Variants in DEPTOR observed in about 807,000 individuals in gnomAD.
DEPTOR encodes DEP domain containing MTOR interacting protein.
In DEPTOR, 41 loss-of-function variants were observed where a neutral mutation model predicts 41.6. The ratio of observed to expected loss-of-function variants is 0.98; its 90% CI spans 0.77 to 1.28. DEPTOR has a LOEUF of 1.28. Among genes scored for constraint, DEPTOR ranks in the 50% most tolerant of loss-of-function variants. The pLI is 0.00. For synonymous variants in DEPTOR, 195 were observed against 192.3 expected, an observed-to-expected ratio of 1.01 and a Z score of -0.12; for missense variants, 514 against 527.9, an observed-to-expected ratio of 0.97 and a Z score of 0.26.
intron 4 of DEPTOR, among the ~76,000 whole-genome samples, chr8:119,980,455 TTTCTTTTC>T (rs1339359885): frequency 4.9e-3 from 102 of 20,826 alleles, no homozygotes; most frequent in Non-Finnish European, 0.011. Flanking sequence ...ATTTTTCTTT[TTTCTTTTC>T]TTTTCTTTTC....
At chr8:119,941,784 C>T (rs970690252) in intron 3 of DEPTOR, among the ~76,000 whole-genome samples, 1 of 152,200 alleles carries the variant, frequency 6.6e-6, no homozygotes, top group Non-Finnish European at 1.5e-5. Context: ...GAGAGTTTAG[C>T]TAACTTGCCT....
chr8:120,022,555 C>T (rs1228365031), intron 8 of DEPTOR, among the ~76,000 whole-genome samples: 1 of 152,122 alleles, frequency 6.6e-6, no homozygotes, highest in Admixed American at 6.6e-5. Context: ...CCTAAGTCCT[C>T]AGAACTTAGG....
At chr8:119,881,523 C>CA (rs1320094841) in intron 1 of DEPTOR, among the ~76,000 whole-genome samples, 5 of 141,456 alleles carry the variant, frequency 3.5e-5, no homozygotes, top group South Asian at 4.5e-4. Context: ...GACTCTGTCT[C>CA]AAAAAAAATA....
intron 4 of DEPTOR, among the ~76,000 whole-genome samples, chr8:119,977,748 G>T (rs919457472): frequency 3.9e-5 from 6 of 152,174 alleles, no homozygotes; most frequent in African/African-American, 7.2e-5. Context: ...AGTATGAAAG[G>T]AATACAGGAT....
intron 8 of DEPTOR, among the ~76,000 whole-genome samples, chr8:120,020,317 G>A (rs995071598): frequency 6.6e-6 from 1 of 152,162 alleles, no homozygotes; most frequent in African/African-American, 2.4e-5. Flanking sequence ...CTGACCTCAA[G>A]TGATCCACCT....
At chr8:120,009,773 G>A (rs1395747228) in intron 8 of DEPTOR, among the ~76,000 whole-genome samples, 1 of 152,028 alleles carries the variant, frequency 6.6e-6, no homozygotes, top group Non-Finnish European at 1.5e-5. Flanking sequence ...TTTCTGAATG[G>A]GGTTAAAATG....
intron 8 of DEPTOR, among the ~76,000 whole-genome samples, chr8:120,046,049 A>T (rs1005756218): frequency 6.6e-6 from 1 of 152,108 alleles, no homozygotes; most frequent in Admixed American, 6.6e-5. Context: ...ACAGGACCCC[A>T]TCTTGAACCA....
At chr8:119,889,648 A>AGGATGGGGAGGGGAGGGGG (rs1827424547) in intron 1 of DEPTOR, among the ~76,000 whole-genome samples, 1 of 20,652 alleles carries the variant, frequency 4.8e-5, no homozygotes, top group Non-Finnish European at 8.9e-5. Context: ...AGGGGAGGGG[A>AGGATGGGGAGGGGAGGGGG]GGATGGGGAG....
At chr8:120,019,944 G>A (rs765952298) in intron 8 of DEPTOR, among the ~76,000 whole-genome samples, 8 of 152,060 alleles carry the variant, frequency 5.3e-5, no homozygotes, top group Non-Finnish European at 2.9e-5. Context: ...TGAGGACCAA[G>A]GTCCTTTCTG....
intron 1 of DEPTOR, among the ~76,000 whole-genome samples, chr8:119,905,257 GGACA>G (rs759028203): frequency 7.9e-5 from 12 of 152,088 alleles, no homozygotes; most frequent in Non-Finnish European, 1.5e-5. Flanking sequence ...ATAGAAATGT[GGACA>G]GACAATTACA....
chr8:119,978,480 G>A (rs965723067), intron 4 of DEPTOR, among the ~76,000 whole-genome samples: 1 of 152,158 alleles, frequency 6.6e-6, no homozygotes, highest in African/African-American at 2.4e-5. Flanking sequence ...CCTGATGAAC[G>A]TGAGCTAGAT....
chr8:120,041,371 A>G (rs1018718691), intron 8 of DEPTOR, among the ~76,000 whole-genome samples: 9 of 152,164 alleles, frequency 5.9e-5, no homozygotes, highest in African/African-American at 1.7e-4. Flanking sequence ...GGACTGGCGC[A>G]GGGAGAGGAA....
At chr8:119,891,590 C>T (rs1259920024) in intron 1 of DEPTOR, among the ~76,000 whole-genome samples, 1 of 152,194 alleles carries the variant, frequency 6.6e-6, no homozygotes, top group Non-Finnish European at 1.5e-5. Flanking sequence ...GTTCATCATG[C>T]TCACTCCTTC....
At chr8:119,901,095 C>T (rs940132942) in intron 1 of DEPTOR, among the ~76,000 whole-genome samples, 6 of 152,188 alleles carry the variant, frequency 3.9e-5, no homozygotes, top group African/African-American at 1.2e-4. Flanking sequence ...TTGGAATCTA[C>T]ATTGGGAGTA....
chr8:119,960,377 G>A (rs1308772129), intron 3 of DEPTOR, among the ~76,000 whole-genome samples: 1 of 152,198 alleles, frequency 6.6e-6, no homozygotes, highest in African/African-American at 2.4e-5. Flanking sequence ...TTGGGAGACA[G>A]TGAGAAGGTA....
intron 4 of DEPTOR, among the ~76,000 whole-genome samples, chr8:119,976,050 C>T (rs951208694): frequency 3.3e-5 from 5 of 151,506 alleles, no homozygotes; most frequent in South Asian, 2.1e-4. Flanking sequence ...TTAATAGAGA[C>T]GGGGTTTCAC....
chr8:119,971,150 G>T (rs1828628749), intron 4 of DEPTOR, among the ~76,000 whole-genome samples: 1 of 151,590 alleles, frequency 6.6e-6, no homozygotes. Flanking sequence ...GGATGATGGT[G>T]TGAACCTGGG....
intron 4 of DEPTOR, among the ~76,000 whole-genome samples, chr8:119,974,197 G>C (rs190110784): frequency 9.3e-6 from 1 of 107,878 alleles, no homozygotes; most frequent in Non-Finnish European, 1.9e-5. Flanking sequence ...ACAGGAGTTC[G>C]GGACCAGCCT....
intron 2 of DEPTOR, 62 bp from the exon 3 acceptor site, chr8:119,929,753 T>TA: frequency 6.4e-7 from 1 of 1,555,274 alleles, no homozygotes; most frequent in South Asian, 1.2e-5. Context: ...ATACTTCGCT[T>TA]GAGTAATTAA....
Sources: gnomAD v4.1 joint callset for allele counts (sites outside exome capture counted in the v4.1 genomes callset) on GRCh38, gnomAD v4.1.1 for gene constraint, MANE v1.5 for transcripts, NCBI Gene and HGNC (gene_info 2026-07-23, HGNC 2026-07-21) for gene names.